INF2: variants seen among roughly 807,000 people sequenced by gnomAD.
INF2 encodes the protein inverted formin-2.
INF2 carries 43 observed loss-of-function variants against 123.5 expected under a neutral mutation model. The observed-to-expected ratio is 0.35, with a 90% confidence interval of 0.27 to 0.45. The LOEUF is 0.45. Among genes scored for constraint, INF2 ranks in the 20% least tolerant of loss-of-function variants. The pLI is 1.00. For missense variants in INF2, 1,453 were observed against 1,682.7 expected (o/e 0.86, Z 2.39); for synonymous variants, 851 against 745.0 (o/e 1.14, Z -2.32).
chr14:104,709,292 A>G lies in INF2; in HGVS notation c.1961A>G (p.Glu654Gly). ...FLKQFKCSNE[E>G]VAAMIRAGDT... ...TCTCCCTGCTCCAGCTCCAACGAGG[A>G]GGTCGCTGCTATGATCCGGGCTGGA... is the stretch of plus-strand genomic sequence containing the variant. The change falls in exon 11 of 23, where the codon GAG becomes GGG. Residue 654 changes from glutamate to glycine, a missense_variant. Coordinates refer to ENST00000392634, the MANE Select transcript of INF2 (RefSeq NM_022489.4). 2 of 1,612,616 alleles carry G rather than the reference A, an allele frequency of 1.2e-6. No homozygotes were observed. The highest frequency in any genetic ancestry group is 2.2e-5 in the South Asian group (2 of 91,026).
At chr14:104,701,002 C>A in intron 1 of INF2, 1 of 375,902 alleles carries the variant, frequency 2.7e-6, no homozygotes, top group Non-Finnish European at 3.7e-6. Flanking sequence ...CCCGCTCCCC[C>A]GAGTCCTCCC....
rs1566779322 is a variant in INF2 at position 104,704,282 on chromosome 14, G to C, written c.701+333G>C. On this transcript the variant is annotated intron_variant, in intron 5 of 22. Coordinates refer to ENST00000392634, the MANE Select transcript of INF2 (RefSeq NM_022489.4). ...ACAGAAAATGAAATGCCAATAAGAG[G>C]GAACTACAGGGTGGTTCACGTGGAC... The C allele has an allele frequency of 5.4e-6, 5 of 920,344 alleles. No homozygotes were observed. The East Asian group carries it at 9.2e-5, about 17-fold the overall frequency. The allele number at this position is 920,344 out of a possible 1,614,324, so 57.0% of individuals were successfully genotyped here.
chr14:104,692,281 G>A (rs1888990247), intron 1 of INF2, among the ~76,000 whole-genome samples: 1 of 152,262 alleles, frequency 6.6e-6, no homozygotes, highest in Non-Finnish European at 1.5e-5. Flanking sequence ...GCGCGGGACA[G>A]TCGGTGCCAT....
chr14:104,689,589 C>CG, upstream of INF2: 6 of 812,974 alleles, frequency 7.4e-6, no homozygotes, highest in Non-Finnish European at 8.9e-6. Flanking sequence ...CCTCCTCTTC[C>CG]TCCCGCCCGC....
intron 1 of INF2, among the ~76,000 whole-genome samples, chr14:104,697,586 T>C (rs182533916): frequency 1.3e-4 from 20 of 152,346 alleles, no homozygotes; most frequent in African/African-American, 4.8e-4. Flanking sequence ...GGTGGCCCGG[T>C]GGCTTCCCGA....
intron 22 of INF2, among the ~76,000 whole-genome samples, chr14:104,716,387 A>T (rs1386769482): frequency 6.6e-6 from 1 of 152,150 alleles, no homozygotes; most frequent in African/African-American, 2.4e-5. Flanking sequence ...TCATCTTCCG[A>T]GTGTGGCTCT....
upstream of INF2, among the ~76,000 whole-genome samples, chr14:104,689,052 C>T (rs1320466818): frequency 6.6e-6 from 1 of 152,266 alleles, no homozygotes; most frequent in African/African-American, 2.4e-5. Flanking sequence ...CTGCCCAAGA[C>T]CGCCGAGACC....
chr14:104,684,416 T>G lies in INF2; in HGVS notation c.-104+2834T>G. The G allele has an allele frequency of 3.7e-6, 1 of 270,002 alleles. No homozygotes were observed. The highest frequency in any genetic ancestry group is 7.3e-6 in the Non-Finnish European group (1 of 136,248). 16.7% of individuals were successfully genotyped at this position (270,002 alleles called of 1,614,324 possible). A position where few individuals can be genotyped will look rare whatever the true frequency, so the allele number is the denominator to read the frequency against. On this transcript the variant is annotated intron_variant, in intron 1 of 2. Transcript: ENST00000674723. The surrounding 1 kb of genome is among the most constrained non-coding windows in gnomAD (Gnocchi z 5.0). The stretch of plus-strand genomic sequence containing the variant: ...TGTGCAACGAAATATTTCATAGAAA[T>G]CAAGAAACATGAGTGAACGATGCAC...
chr14:104,703,287 C>A lies in INF2; in HGVS notation c.508-8C>A. 2 of 1,613,028 alleles carry A rather than the reference C, an allele frequency of 1.2e-6. No homozygotes were observed. Among genetic ancestry groups the A allele is most frequent in the Non-Finnish European group, 1.7e-6 (2 of 1,179,922 alleles). ...CCTGGGTGTGCCCTGACCCCGCCCTCCCCACAGACGGTGTGCAGCCAGCAG... is the reference window on the plus strand; with the variant it reads ...CCTGGGTGTGCCCTGACCCCGCCCTACCCACAGACGGTGTGCAGCCAGCAG... On this transcript the variant is annotated splice_region_variant and splice_polypyrimidine_tract_variant and intron_variant, in intron 3 of 22. Coordinates refer to ENST00000392634, the MANE Select transcript of INF2 (RefSeq NM_022489.4).
intron 13 of INF2, among the ~76,000 whole-genome samples, chr14:104,710,453 A>ACACACAAGCACACCGC (rs1218177860): frequency 5.3e-5 from 8 of 151,578 alleles, no homozygotes; most frequent in Non-Finnish European, 8.8e-5. Context: ...CGGCACGCGC[A>ACACACAAGCACACCGC]CACACAAGCA....
Position 104,706,053 on chromosome 14 carries a change from C to T in INF2, c.720C>T (p.Asp240=), listed in dbSNP as rs1243280313. Residue 240 remains aspartate, a synonymous_variant, in exon 6 of 23, where the codon GAC becomes GAT. Transcript: ENST00000392634. ...TGCACAGAGACCTGGAGGATGCCGA[C>T]CTGCTGATCCAGCTGGAGGCTTTCG... ...LARLRDLEDA[D]LLIQLEAFEE... is the part of the protein sequence containing the mutation. 3.1e-6 allele frequency: 5 copies of T among 1,612,206 alleles called. No homozygotes were observed. In the Admixed American group the frequency reaches 5.0e-5, roughly 16 times the overall value.
upstream of INF2, among the ~76,000 whole-genome samples, chr14:104,688,529 GAC>G (rs1888758317): frequency 6.6e-6 from 1 of 152,238 alleles, no homozygotes; most frequent in African/African-American, 2.4e-5. Flanking sequence ...TCCGAGTGGA[GAC>G]ACTTTATCCG....
chr14:104,682,812 TC>T (rs898947952), intron 1 of INF2, among the ~76,000 whole-genome samples: 2 of 151,138 alleles, frequency 1.3e-5, no homozygotes, highest in African/African-American at 4.9e-5. Flanking sequence ...AATCCTCACG[TC>T]CCCCCCGGAC....
chr14:104,712,362 A>T (rs1202371201), intron 16 of INF2, 71 bp from the exon 17 acceptor site: 6 of 1,598,054 alleles, frequency 3.8e-6, no homozygotes, highest in Non-Finnish European at 5.1e-6. Context: ...GGTGCAGGGG[A>T]GGGGCTCCCC....
rs1419648892 is a variant in INF2, at chr14:104,721,929, T to G, written c.*3136T>G. ...GCGTGTATGCAGGTGGCTGTGGGTGTCTGTGTGTCCTGGGCCACTGTGTGC... is the reference window on the plus strand; with the variant it reads ...GCGTGTATGCAGGTGGCTGTGGGTGGCTGTGTGTCCTGGGCCACTGTGTGC... On this transcript the variant is annotated 3_prime_UTR_variant, in exon 23 of 23. Coordinates refer to ENST00000392634, the MANE Select transcript of INF2 (RefSeq NM_022489.4). 7 of 152,390 alleles carry G rather than the reference T, an allele frequency of 4.6e-5. No individual in the cohort carries two copies. The highest frequency in any genetic ancestry group is 1.0e-4 in the Non-Finnish European group (7 of 68,130). 9.4% of individuals were successfully genotyped at this position (152,390 alleles called of 1,614,324 possible). A position where few individuals can be genotyped will look rare whatever the true frequency, so the allele number is the denominator to read the frequency against.
At position 104,714,487 on chromosome 14, in the gene INF2, C is replaced by G. The variant is rs1346449763; in HGVS notation, c.3325C>G (p.Gln1109Glu). 1.9e-6 allele frequency: 3 copies of G among 1,612,692 alleles called. No homozygotes were observed. The South Asian group carries it at 3.3e-5, about 18-fold the overall frequency. ...CTGGCCGGTGACTCTGGGAGATGCT[C>G]AGGCCCTGAAGCCCCTCAAGTTCTC... ...GAWPVTLGDA[Q>E]ALKPLKFSSN... The change falls in exon 21 of 23, where the codon CAG (glutamine) becomes GAG (glutamate). Residue 1109 changes from glutamine to glutamate, a missense_variant. Physicochemically the swap from Gln to Glu is conservative, Grantham distance 29. Transcript: ENST00000392634.
At chr14:104,686,103 A>C (rs1477199988), upstream of INF2, among the ~76,000 whole-genome samples, 1 of 129,762 alleles carries the variant, frequency 7.7e-6, no homozygotes, top group East Asian at 2.7e-4. Flanking sequence ...GTAGGTGGTT[A>C]GATGGGTGGA....
At chr14:104,688,551 G>T (rs1447605679), upstream of INF2, among the ~76,000 whole-genome samples, 6 of 152,208 alleles carry the variant, frequency 3.9e-5, no homozygotes, top group Non-Finnish European at 7.3e-5. Context: ...GCATGTTCTT[G>T]ACCCTCATAC....
In INF2 at chr14:104,707,291, C is replaced by T; in HGVS notation, c.1024C>T (p.Leu342=). ...CCTGGAGGAAGTGGTTGAGCGGCTC[C>T]TGTCTGTCAAGGGGCGACCCAGACC... is the stretch of plus-strand genomic sequence containing the variant. ...CTLEEVVERL[L]SVKGRPRPSP... The change falls in exon 8 of 23, where the codon CTG becomes TTG. Residue 342 remains leucine (L), a synonymous_variant. Coordinates refer to ENST00000392634, the MANE Select transcript of INF2 (RefSeq NM_022489.4). The T allele has an allele frequency of 2.5e-6, 4 of 1,609,366 alleles. No homozygotes were observed. The highest frequency in any genetic ancestry group is 3.4e-6 in the Non-Finnish European group (4 of 1,178,530).
Sources: gnomAD v4.1 joint callset for allele counts (sites outside exome capture counted in the v4.1 genomes callset) on GRCh38, gnomAD v4.1.1 for gene constraint, Gnocchi (gnomAD v3.1) non-coding constraint, MANE v1.5 for transcripts, NCBI Gene and HGNC (gene_info 2026-07-23, HGNC 2026-07-21) for gene names.